EML6: variants seen among roughly 807,000 people sequenced by gnomAD.
The protein encoded by EML6 is EMAP like 6.
In EML6, 154 loss-of-function variants were observed where a neutral mutation model predicts 240.1. The ratio of observed to expected loss-of-function variants is 0.64; its 90% CI spans 0.56 to 0.73. The LOEUF (loss-of-function observed/expected upper bound fraction) is 0.73. Ranked by LOEUF, EML6 falls within the 30% of genes least tolerant of loss-of-function variation. EML6 has a pLI of 0.00. For synonymous variants in EML6, 1,148 were observed against 899.0 expected, an observed-to-expected ratio of 1.28 and a Z score of -4.95; for missense variants, 2,964 against 2,474.6, an observed-to-expected ratio of 1.20 and a Z score of -4.20.
At chr2:54,744,925 C>T (rs1683839426) in intron 2 of EML6, among the ~76,000 whole-genome samples, 1 of 112,196 alleles carries the variant, frequency 8.9e-6, no homozygotes, top group Non-Finnish European at 2.2e-5. Context: ...CACACACACA[C>T]ACACACACAC....
intron 17 of EML6, among the ~76,000 whole-genome samples, chr2:54,888,381 T>C (rs927078416): frequency 6.6e-6 from 1 of 152,214 alleles, no homozygotes; most frequent in African/African-American, 2.4e-5. Context: ...CTGGGTTACA[T>C]GATAACTGAA....
intron 2 of EML6, among the ~76,000 whole-genome samples, chr2:54,742,918 A>G (rs1379700724): frequency 6.6e-6 from 1 of 152,250 alleles, no homozygotes; most frequent in Admixed American, 6.5e-5. Flanking sequence ...AAAACAATGT[A>G]CAACAAACCA....
At position 54,928,671 on chromosome 2, in the gene EML6, C is replaced by G. The variant is rs1186339133; in HGVS notation, c.3924C>G (p.Thr1308=). Residue 1308 remains threonine, a synonymous_variant, in exon 28 of 42, where the codon ACC becomes ACG. Transcript: ENST00000356458. ...GAGAAAAGGCCATTGACTACACCAC[C>G]AAGATTTATGCTGTGAGCATCAGGG... ...VAREKAIDYT[T]KIYAVSIREM... 2 of 1,551,862 alleles carry G rather than the reference C, an allele frequency of 1.3e-6. No homozygotes were observed. Among genetic ancestry groups the G allele is most frequent in the Admixed American group, 2.0e-5 (1 of 50,984 alleles).
At chr2:54,934,959 T>C (rs182832739) in intron 28 of EML6, among the ~76,000 whole-genome samples, 1 of 152,368 alleles carries the variant, frequency 6.6e-6, no homozygotes, top group East Asian at 1.9e-4. Flanking sequence ...CACTTGTCAC[T>C]CTGCCCTCAT....
In EML6 at chr2:54,881,002, A is replaced by G. The variant is rs375270979; in HGVS notation, c.2438+1362A>G. 7.2e-5 allele frequency: 11 copies of G among 152,288 alleles called. No homozygotes were observed. In the East Asian group the frequency reaches 1.9e-3, roughly 27 times the overall value. The allele number at this position is 152,288 out of a possible 1,614,324, so 9.4% of individuals were successfully genotyped here. On this transcript the variant is annotated intron_variant, in intron 17 of 41. Coordinates refer to ENST00000356458, the MANE Select transcript of EML6 (RefSeq NM_001039753.4). ...TATATATTTTATATACTTGTTGGAT[A>G]GTGTTACTGCCTCTATTTAACACAA...
At chr2:54,821,769 A>AT (rs1435115630) in intron 5 of EML6, among the ~76,000 whole-genome samples, 1 of 152,116 alleles carries the variant, frequency 6.6e-6, no homozygotes, top group Non-Finnish European at 1.5e-5. Flanking sequence ...AAATTTATCA[A>AT]TTTTTTAGAA....
In EML6 at chr2:54,970,434, A is replaced by G; in HGVS notation, c.*339A>G. ...TTTGAAGCCTCGGTTACCCTAACCA[A>G]TATGTAGCTTTTAATTTGCATCAAA... On this transcript the variant is annotated 3_prime_UTR_variant, in exon 42 of 42. Coordinates refer to ENST00000356458, the MANE Select transcript of EML6 (RefSeq NM_001039753.4). The G allele has an allele frequency of 3.6e-6, 1 of 279,588 alleles. No homozygotes were observed. Among genetic ancestry groups the G allele is most frequent in the East Asian group, 6.3e-5 (1 of 15,836 alleles). 17.3% of individuals were successfully genotyped at this position (279,588 alleles called of 1,614,324 possible). A position where few individuals can be genotyped will look rare whatever the true frequency, so the allele number is the denominator to read the frequency against.
intron 34 of EML6, 116 bp downstream of exon 34, chr2:54,959,377 A>T: frequency 9.8e-7 from 1 of 1,017,798 alleles, no homozygotes; most frequent in Non-Finnish European, 1.4e-6. Flanking sequence ...TCTTTTTTGC[A>T]TTAGGAAGAT....
chr2:54,813,210 A>G, intron 2 of EML6, 22 bp from the exon 3 acceptor site: 1 of 1,526,144 alleles, frequency 6.6e-7, no homozygotes, highest in Non-Finnish European at 8.8e-7. Flanking sequence ...GAAGATGTGA[A>G]AAGAAACCTT....
Position 54,829,092 on chromosome 2 carries a change from CTG to C in EML6, c.712-248_712-247del, listed in dbSNP as rs1445480318. Among the ~76,000 whole-genome samples the C allele has an allele frequency of 2.6e-5, 4 of 152,230 alleles. No homozygotes were observed. In the South Asian group the frequency reaches 6.2e-4, roughly 24 times the overall value. The stretch of plus-strand genomic sequence containing the variant: ...AATTATATTTTTGAATTTTTTTAAA[CTG>C]TAATCTTTTTAGTAGTGGTAAAAGA... On this transcript the variant is annotated intron_variant, in intron 6 of 41. Transcript: ENST00000356458.
At chr2:54,820,335 T>G in intron 4 of EML6, 59 bp from the exon 5 acceptor site, 2 of 1,105,170 alleles carry the variant, frequency 1.8e-6, no homozygotes, top group Non-Finnish European at 2.7e-6. Flanking sequence ...GGACTAGTAT[T>G]GGGAAAAGGC....
intron 9 of EML6, among the ~76,000 whole-genome samples, chr2:54,847,874 T>C (rs1194855047): frequency 6.6e-6 from 1 of 152,224 alleles, no homozygotes; most frequent in African/African-American, 2.4e-5. Flanking sequence ...TCTAGTAATC[T>C]CTTAGTAGAA....
intron 17 of EML6, among the ~76,000 whole-genome samples, chr2:54,888,263 G>T (rs1353500927): frequency 1.3e-5 from 2 of 152,182 alleles, no homozygotes; most frequent in Non-Finnish European, 2.9e-5. Flanking sequence ...ATGCCATGAG[G>T]TGTGTAGTTC....
At position 54,964,134 on chromosome 2, in the gene EML6, G is replaced by A. The variant is rs1186817242; in HGVS notation, c.5306G>A (p.Arg1769Gln). 14 of 1,551,654 alleles carry A rather than the reference G, an allele frequency of 9.0e-6. No homozygotes were observed. The highest frequency in any genetic ancestry group is 5.9e-5 in the Admixed American group (3 of 50,998). ...AAAGTTTGGGGGAAAAAACGAGACC[G>A]GAAATCTGCTATCCAAGATATCAGG... ...SLKVWGKKRD[R>Q]KSAIQDIRIS... Residue 1769 changes from arginine (R) to glutamine (Q), a missense_variant, in exon 37 of 42, where the codon CGG (arginine) becomes CAG (glutamine). Physicochemically the swap from Arg to Gln is conservative, Grantham distance 43 (BLOSUM62 1). Transcript: ENST00000356458.
intron 16 of EML6, among the ~76,000 whole-genome samples, chr2:54,877,205 A>G (rs568494074): frequency 6.6e-6 from 1 of 152,186 alleles, no homozygotes; most frequent in East Asian, 1.9e-4. Context: ...GCTGATCACC[A>G]ACTCCTGGGC....
intron 2 of EML6, among the ~76,000 whole-genome samples, chr2:54,783,268 T>A (rs575791212): frequency 3.5e-4 from 53 of 152,354 alleles, no homozygotes; most frequent in Non-Finnish European, 6.6e-4. Flanking sequence ...TATGCATATT[T>A]CTTTTTTATT....
intron 2 of EML6, among the ~76,000 whole-genome samples, chr2:54,779,818 T>G (rs552057548): frequency 1.4e-5 from 2 of 139,464 alleles, no homozygotes; most frequent in South Asian, 4.5e-4. Flanking sequence ...GCCAAGATCC[T>G]GCCAGTGCAC....
intron 28 of EML6, among the ~76,000 whole-genome samples, chr2:54,935,854 C>G (rs777433328): frequency 2.0e-5 from 3 of 152,082 alleles, no homozygotes; most frequent in Non-Finnish European, 4.4e-5. Context: ...TAAGGAGGCC[C>G]TATCTCTACA....
intron 5 of EML6, among the ~76,000 whole-genome samples, chr2:54,822,216 A>T (rs1668365953): frequency 6.6e-6 from 1 of 152,190 alleles, no homozygotes; most frequent in African/African-American, 2.4e-5. Context: ...TAAATCTATC[A>T]AATTTATGAT....
Sources: allele counts gnomAD v4.1 joint callset (sites outside exome capture counted in the v4.1 genomes callset), GRCh38; gene constraint gnomAD v4.1.1; transcripts MANE v1.5; gene names NCBI Gene and HGNC (gene_info 2026-07-23, HGNC 2026-07-21).